USP4: variants seen among roughly 807,000 people sequenced by gnomAD.
USP4 encodes ubiquitin specific peptidase 4.
In USP4, 72 loss-of-function variants were observed where a neutral mutation model predicts 118.2. The observed-to-expected ratio is 0.61, with a 90% confidence interval of 0.50 to 0.74. USP4 has a LOEUF of 0.74. Among genes scored for constraint, USP4 ranks in the 30% least tolerant of loss-of-function variants. USP4 has a pLI of 0.00. For missense variants in USP4, 1,037 were observed against 1,185.7 expected, an observed-to-expected ratio of 0.87 and a Z score of 1.84; for synonymous variants, 415 against 440.4, an observed-to-expected ratio of 0.94 and a Z score of 0.72.
chr3:49,324,611 G>A lies in USP4; in HGVS notation c.695+91C>T, dbSNP rs560946199. 1,069 of 1,229,968 alleles carry A rather than the reference G, an allele frequency of 8.7e-4. 2 individuals are homozygous for A. The highest frequency in any genetic ancestry group is 1.1e-3 in the Non-Finnish European group (959 of 835,898). The allele number at this position is 1,229,968 out of a possible 1,614,324, so 76.2% of individuals were successfully genotyped here. On this transcript the variant is annotated intron_variant, in intron 6 of 21. Transcript: ENST00000265560. ...AAATAGGCATTGTTCATCTGAATCA[G>A]AACAATTTTTCTTAGTACAAGTACT...
chr3:49,311,518 T>G lies in USP4; in HGVS notation c.832A>C (p.Arg278=). The G allele has an allele frequency of 6.2e-7, 1 of 1,613,400 alleles. No homozygotes were observed. The highest frequency in any genetic ancestry group is 8.5e-7 in the Non-Finnish European group (1 of 1,179,606). The change falls in exon 7 of 22, where the codon AGG becomes CGG. Residue 278 remains arginine (R), a synonymous_variant. Coordinates refer to ENST00000265560, the MANE Select transcript of USP4 (RefSeq NM_003363.4). ...AGTGAAAGGACCTGCTCTTACCCCC[T>G]GCTGACACCGGAACTGTGCATCCCA... The part of the protein sequence containing the change: ...TCGMHSSGVS[R]GGSGFSASYN...
At chr3:49,315,715 G>C (rs569049371) in intron 6 of USP4, among the ~76,000 whole-genome samples, 1 of 152,132 alleles carries the variant, frequency 6.6e-6, no homozygotes, top group African/African-American at 2.4e-5. Flanking sequence ...GGCATGTCAC[G>C]TGATTATCAA....
In USP4 at chr3:49,327,728, G is replaced by A. The variant is rs1302039748; in HGVS notation, c.318C>T (p.Asn106=). 8.1e-6 allele frequency: 13 copies of A among 1,613,962 alleles called. No homozygotes were observed. The highest frequency in any genetic ancestry group is 1.0e-5 in the Non-Finnish European group (12 of 1,179,994). Residue 106 remains asparagine (N), a synonymous_variant, in exon 3 of 22, where the codon AAC becomes AAT. Coordinates refer to ENST00000265560, the MANE Select transcript of USP4 (RefSeq NM_003363.4). The part of the protein sequence containing the change: ...VPTEAWNKLL[N]WYGCVEGQQP... ...GCTGGCCTTCTACACAGCCGTACCA[G>A]TTTAGTAGTTTATTCCACGCCTCGG...
chr3:49,302,789 G>A (rs1239715238), intron 9 of USP4, among the ~76,000 whole-genome samples: 2 of 152,136 alleles, frequency 1.3e-5, no homozygotes, highest in Non-Finnish European at 2.9e-5. Flanking sequence ...GTCCTAAGGA[G>A]GAAGGGTGGA....
At chr3:49,292,713 C>A in intron 14 of USP4, 115 bp from the exon 15 acceptor site, 1 of 673,242 alleles carries the variant, frequency 1.5e-6, no homozygotes, top group Non-Finnish European at 2.5e-6. Flanking sequence ...TAGCTACTGA[C>A]AAAGCAATTT....
chr3:49,316,982 T>A, intron 6 of USP4: 1 of 683,460 alleles, frequency 1.5e-6, no homozygotes. Flanking sequence ...CCTGAGACAG[T>A]GAAAGAAGGC....
intron 19 of USP4, among the ~76,000 whole-genome samples, chr3:49,283,310 A>G (rs374828253): frequency 2.8e-4 from 42 of 151,606 alleles, no homozygotes; most frequent in East Asian, 1.2e-3. Flanking sequence ...CACCGTGCCC[A>G]GCCTATTTTT....
At chr3:49,317,063 G>C (rs1400507345) in intron 6 of USP4, 4 of 1,150,908 alleles carry the variant, frequency 3.5e-6, no homozygotes, top group Non-Finnish European at 5.1e-6. Context: ...CACAGAGGCA[G>C]GCCCTGCCCA....
intron 10 of USP4, among the ~76,000 whole-genome samples, 154 bp downstream of exon 10, chr3:49,302,230 T>C (rs2047269180): frequency 6.6e-6 from 1 of 150,626 alleles, no homozygotes; most frequent in African/African-American, 2.4e-5. Context: ...AGTTAGCCCC[T>C]TTCTGACCAG....
Position 49,284,475 on chromosome 3 carries a change from T to C in USP4, c.2381A>G (p.His794Arg), listed in dbSNP as rs2047073294. The C allele has an allele frequency of 4.3e-6, 7 of 1,613,492 alleles. No homozygotes were observed. Among genetic ancestry groups the C allele is most frequent in the African/African-American group, 1.3e-5 (1 of 74,914 alleles). Residue 794 changes from histidine (H) to arginine (R), a missense_variant, in exon 18 of 22, where the codon CAT becomes CGT. His to Arg is a conservative substitution (Grantham distance 29, BLOSUM62 0). Transcript: ENST00000265560. ...GTGAGGAGCTGCGTACCAGGGGTCA[T>C]GCTCCCCAAGGGTCTCCATGGTGGT... ...LFTTMETLGE[H>R]DPWYCPNCKK...
chr3:49,322,084 G>T (rs1258032106), intron 6 of USP4, among the ~76,000 whole-genome samples: 1 of 152,146 alleles, frequency 6.6e-6, no homozygotes, highest in East Asian at 1.9e-4. Flanking sequence ...CCCTGACCAA[G>T]AAACAGGACA....
chr3:49,322,983 T>C (rs2047517951), intron 6 of USP4, among the ~76,000 whole-genome samples: 1 of 151,924 alleles, frequency 6.6e-6, no homozygotes, highest in African/African-American at 2.4e-5. Context: ...TCTTTTTTTT[T>C]TGAGATGGAG....
chr3:49,335,967 G>A (rs965640709), intron 1 of USP4, among the ~76,000 whole-genome samples: 5 of 151,864 alleles, frequency 3.3e-5, no homozygotes, highest in Admixed American at 6.6e-5. Flanking sequence ...AGGTTCAAGC[G>A]ATTCTCCTGC....
At chr3:49,325,870 G>C in intron 3 of USP4, 25 bp from the exon 4 acceptor site, 1 of 1,610,858 alleles carries the variant, frequency 6.2e-7, no homozygotes, top group Non-Finnish European at 8.5e-7. Context: ...CAGGGGTGAG[G>C]GCATAGCGGT....
intron 7 of USP4, 94 bp downstream of exon 7, chr3:49,311,420 C>T (rs2047381386): frequency 3.6e-6 from 5 of 1,406,280 alleles, no homozygotes; most frequent in Non-Finnish European, 4.9e-6. Flanking sequence ...AACTCTAACC[C>T]CACTATGCTT....
chr3:49,325,923 G>A (rs999697874), intron 3 of USP4, 78 bp from the exon 4 acceptor site: 1 of 1,542,322 alleles, frequency 6.5e-7, no homozygotes, highest in Non-Finnish European at 8.8e-7. Flanking sequence ...CTTATCAGAA[G>A]CAAAAAGCAG....
intron 15 of USP4, among the ~76,000 whole-genome samples, chr3:49,289,103 AAAAC>A (rs569719255): frequency 2.0e-5 from 3 of 152,136 alleles, no homozygotes; most frequent in South Asian, 2.1e-4. Flanking sequence ...AGAGCAAAAG[AAAAC>A]AAACAAACAA....
rs1431586895 is a variant in USP4 at position 49,290,169 on chromosome 3, C to T, written c.1972+2341G>A. Among the ~76,000 whole-genome samples, 4 of 152,150 alleles carry T rather than the reference C, an allele frequency of 2.6e-5. No individual in the cohort carries two copies. The South Asian group carries it at 8.3e-4, about 31-fold the overall frequency. On this transcript the variant is annotated intron_variant, in intron 15 of 21. Coordinates refer to ENST00000265560, the MANE Select transcript of USP4 (RefSeq NM_003363.4). Reference sequence around the variant, plus strand: ...CAGCCTCAGGCCTGTAACCCCAGCACTTTGGAAGGCGAAGGTGAGCAGATC... The same window carrying T: ...CAGCCTCAGGCCTGTAACCCCAGCATTTTGGAAGGCGAAGGTGAGCAGATC...
intron 1 of USP4, among the ~76,000 whole-genome samples, chr3:49,338,750 A>G (rs958780030): frequency 6.6e-6 from 1 of 152,088 alleles, no homozygotes; most frequent in Non-Finnish European, 1.5e-5. Context: ...TGGTTAGCTC[A>G]AGGTGAATAC....
Sources: allele counts gnomAD v4.1 joint callset (sites outside exome capture counted in the v4.1 genomes callset), GRCh38; gene constraint gnomAD v4.1.1; transcripts MANE v1.5; gene names NCBI Gene and HGNC (gene_info 2026-07-23, HGNC 2026-07-21).